SNX29: variants seen among roughly 807,000 people sequenced by gnomAD.
The protein encoded by SNX29 is sorting nexin 29.
SNX29 carries 78 observed loss-of-function variants against 102.1 expected under a neutral mutation model. The ratio of observed to expected loss-of-function variants is 0.76; its 90% CI spans 0.64 to 0.92. The LOEUF is 0.92. SNX29 is among the 40% of genes least tolerant of loss of function. SNX29 has a pLI of 0.00. For missense variants in SNX29, 1,280 were observed against 1,061.7 expected, an observed-to-expected ratio of 1.21 and a Z score of -2.86; for synonymous variants, 580 against 414.5, an observed-to-expected ratio of 1.40 and a Z score of -4.85.
rs528751328 is a variant in SNX29 at position 12,421,911 on chromosome 16, C to T, written c.2037+18382C>T. Among the ~76,000 whole-genome samples, 18 of 71,634 alleles carry T rather than the reference C, an allele frequency of 2.5e-4. No homozygotes were observed. The East Asian group carries it at 6.6e-3, about 26-fold the overall frequency. The allele number at this position is 71,634 out of a possible 152,430, so 47.0% of individuals were successfully genotyped here. ...ACCAGCCGTCCATCACCATCACCAG[C>T]CGTCCATCACCATCATCATCCGTCC... On this transcript the variant is annotated intron_variant, in intron 18 of 20. Transcript: ENST00000566228.
chr16:12,419,712 C>A (rs1285393759), intron 18 of SNX29, among the ~76,000 whole-genome samples: 2 of 152,160 alleles, frequency 1.3e-5, no homozygotes, highest in African/African-American at 4.8e-5. Flanking sequence ...GCCCCTGTTT[C>A]TTCTGAGGCT....
chr16:12,202,085 G>A (rs772786017), intron 14 of SNX29, among the ~76,000 whole-genome samples: 4 of 152,108 alleles, frequency 2.6e-5, no homozygotes, highest in African/African-American at 9.7e-5. Context: ...GAGCGGTTAC[G>A]TACGTACGGC....
intron 19 of SNX29, among the ~76,000 whole-genome samples, chr16:12,524,005 G>C (rs576675983): frequency 3.3e-5 from 5 of 152,248 alleles, no homozygotes; most frequent in South Asian, 2.1e-4. Context: ...TCCTGCCTCA[G>C]CCAAGTAGCT....
intron 18 of SNX29, among the ~76,000 whole-genome samples, chr16:12,475,243 T>A (rs1017242592): frequency 6.6e-6 from 1 of 152,198 alleles, no homozygotes; most frequent in Non-Finnish European, 1.5e-5. Flanking sequence ...GAAGCTTTGG[T>A]TGCATTCGGG....
intron 14 of SNX29, among the ~76,000 whole-genome samples, chr16:12,221,892 G>A (rs1407151461): frequency 6.6e-6 from 1 of 152,216 alleles, no homozygotes; most frequent in Admixed American, 6.5e-5. Flanking sequence ...GAGAGGGGTT[G>A]TTTATTCCAG....
At chr16:12,463,847 T>TGTGTGG (rs763528997) in intron 18 of SNX29, among the ~76,000 whole-genome samples, 4 of 149,680 alleles carry the variant, frequency 2.7e-5, no homozygotes, top group Non-Finnish European at 5.9e-5. Flanking sequence ...TGTGTGTGTG[T>TGTGTGG]GTGTGTGAGA....
chr16:12,277,890 G>A (rs376365556), intron 14 of SNX29, 43 bp from the exon 15 acceptor site: 13 of 1,519,520 alleles, frequency 8.6e-6, no homozygotes, highest in Admixed American at 2.0e-5. Flanking sequence ...AATAATTTTC[G>A]ATACTGTTGA....
intron 20 of SNX29, among the ~76,000 whole-genome samples, chr16:12,558,669 G>C (rs12927506): frequency 0.2 from 29,985 of 152,152 alleles, 3,133 homozygotes; most frequent in East Asian, 0.43. Flanking sequence ...AATCCTGCTG[G>C]TCCTTGTGGC....
At chr16:12,108,715 A>G (rs350251) in intron 11 of SNX29, among the ~76,000 whole-genome samples, 101,708 of 152,006 alleles carry the variant, frequency 0.67, 34,921 homozygotes, top group East Asian at 0.91. Flanking sequence ...GGTGGTGGCC[A>G]GTGCAAGGGT....
intron 11 of SNX29, among the ~76,000 whole-genome samples, chr16:12,091,337 A>ATGTC (rs1263569928): frequency 1.3e-5 from 2 of 152,102 alleles, no homozygotes; most frequent in Non-Finnish European, 2.9e-5. Flanking sequence ...AGGTCTCAGG[A>ATGTC]TGTCCCCTTT....
intron 9 of SNX29, among the ~76,000 whole-genome samples, chr16:12,063,947 A>G (rs2050901677): frequency 6.6e-6 from 1 of 151,322 alleles, no homozygotes; most frequent in Admixed American, 6.6e-5. Flanking sequence ...AGATGCAGGC[A>G]GGTCATCTGA....
chr16:12,119,791 G>A (rs1429986204), intron 11 of SNX29, among the ~76,000 whole-genome samples: 1 of 152,250 alleles, frequency 6.6e-6, no homozygotes, highest in African/African-American at 2.4e-5. Flanking sequence ...TGTGTGGCCT[G>A]AGGCAAGTCA....
chr16:12,028,662 C>G (rs1461451937), intron 4 of SNX29, among the ~76,000 whole-genome samples: 5 of 151,994 alleles, frequency 3.3e-5, no homozygotes, highest in African/African-American at 1.2e-4. Context: ...CTGTGCCTGG[C>G]TCCAACAGTT....
At chr16:12,439,285 C>T (rs952177655) in intron 18 of SNX29, among the ~76,000 whole-genome samples, 1 of 152,188 alleles carries the variant, frequency 6.6e-6, no homozygotes, top group African/African-American at 2.4e-5. Flanking sequence ...GATAGTGACA[C>T]CTAAGAGCCA....
In SNX29 at chr16:12,118,235, T is replaced by C. The variant is rs1732445492; in HGVS notation, c.1403-8398T>C. On this transcript the variant is annotated intron_variant, in intron 11 of 20. Transcript: ENST00000566228. The stretch of plus-strand genomic sequence containing the variant: ...CTCTGCAACTTTGTGCTTTTAATTC[T>C]GGTGAGTACTCCTTTAAAGCTAAAG... 2.0e-5 allele frequency among the ~76,000 whole-genome samples: 3 copies of C among 151,854 alleles called. No homozygotes were observed. The South Asian group carries it at 6.3e-4, about 32-fold the overall frequency.
intron 15 of SNX29, among the ~76,000 whole-genome samples, chr16:12,305,328 T>A (rs1299488225): frequency 6.6e-6 from 1 of 152,166 alleles, no homozygotes; most frequent in Non-Finnish European, 1.5e-5. Context: ...CACGGAGTGG[T>A]ATCAGGACTG....
intron 14 of SNX29, among the ~76,000 whole-genome samples, chr16:12,266,133 C>T (rs1210377804): frequency 6.6e-6 from 1 of 151,886 alleles, no homozygotes; most frequent in Non-Finnish European, 1.5e-5. Context: ...CCATGTTGCC[C>T]AGGTTGGTCT....
intron 20 of SNX29, among the ~76,000 whole-genome samples, chr16:12,536,673 C>A (rs947799315): frequency 6.6e-6 from 1 of 152,146 alleles, no homozygotes; most frequent in Non-Finnish European, 1.5e-5. Flanking sequence ...CAGGGAAGAG[C>A]TGGTATTAAG....
rs1474892021 is a variant in SNX29, at chr16:12,571,483, G to A, written c.*2854G>A. ...ACAGAAGCCCCCTCCCCTACTCAGA[G>A]AGGAACGAGGGTGGCCCACCTCTCA... On this transcript the variant is annotated 3_prime_UTR_variant, in exon 21 of 21. Transcript: ENST00000566228. The A allele has an allele frequency of 3.4e-6, 1 of 296,382 alleles. No homozygotes were observed. The highest frequency in any genetic ancestry group is 5.7e-6 in the Non-Finnish European group (1 of 176,492). The allele number at this position is 296,382 out of a possible 1,614,324, so 18.4% of individuals were successfully genotyped here.
Sources: allele counts gnomAD v4.1 joint callset (sites outside exome capture counted in the v4.1 genomes callset), GRCh38; gene constraint gnomAD v4.1.1; transcripts MANE v1.5; gene names NCBI Gene and HGNC (gene_info 2026-07-23, HGNC 2026-07-21).